CACNA1E: variants seen among roughly 807,000 people sequenced by gnomAD.
The protein encoded by CACNA1E is calcium voltage-gated channel subunit alpha1 E.
CACNA1E carries 40 observed loss-of-function variants against 259.2 expected under a neutral mutation model. The observed-to-expected ratio is 0.15, with a 90% CI of 0.12 to 0.20. The LOEUF is 0.20. Among genes scored for constraint, CACNA1E ranks in the 10% least tolerant of loss-of-function variants. The pLI is 1.00. For synonymous variants in CACNA1E, 1,104 were observed against 1,138.5 expected (o/e 0.97, Z 0.61); for missense variants, 1,874 against 3,040.1 (o/e 0.62, Z 9.02).
At chr1:181,600,882 A>C (rs1653673823) in intron 6 of CACNA1E, among the ~76,000 whole-genome samples, 1 of 152,152 alleles carries the variant, frequency 6.6e-6, no homozygotes, top group South Asian at 2.1e-4. Flanking sequence ...GATGTCCCTT[A>C]GTCTTGAAGA....
intron 35 of CACNA1E, among the ~76,000 whole-genome samples, chr1:181,769,525 C>G (rs1659314245): frequency 6.6e-6 from 1 of 151,770 alleles, no homozygotes; most frequent in South Asian, 2.1e-4. Flanking sequence ...GTCCTCTCAC[C>G]TCAGCCCCAC....
chr1:181,330,535 G>C (rs985853580), intron 1 of CACNA1E, among the ~76,000 whole-genome samples: 1 of 152,188 alleles, frequency 6.6e-6, no homozygotes, highest in East Asian at 1.9e-4. Flanking sequence ...CCACAACTCC[G>C]ACCCCAGATT....
chr1:181,433,681 T>C (rs1297559573), intron 2 of CACNA1E, among the ~76,000 whole-genome samples: 2 of 152,212 alleles, frequency 1.3e-5, no homozygotes, highest in Non-Finnish European at 2.9e-5. Context: ...TGTAAATGTG[T>C]TTTAAATTTC....
intron 18 of CACNA1E, 75 bp downstream of exon 18, chr1:181,726,237 G>C (rs1654898887): frequency 8.7e-6 from 9 of 1,028,898 alleles, no homozygotes; most frequent in South Asian, 1.4e-5. Context: ...CAGAACTATT[G>C]GTTATAGGAG....
chr1:181,724,304 T>G (rs1654685617), intron 16 of CACNA1E, among the ~76,000 whole-genome samples, 166 bp from the exon 17 acceptor site: 1 of 152,192 alleles, frequency 6.6e-6, no homozygotes, highest in Non-Finnish European at 1.5e-5. Context: ...TCAACAGAGT[T>G]GTACAACATC....
In CACNA1E at chr1:181,483,780, A is replaced by G. The variant is rs1189578549; in HGVS notation, c.36A>G (p.Pro12=). The G allele has an allele frequency of 3.1e-6, 5 of 1,610,394 alleles. No homozygotes were observed. The Admixed American group carries it at 6.7e-5, about 21-fold the overall frequency. The change falls in exon 1 of 48, where the codon CCA becomes CCG. Residue 12 remains proline, a synonymous_variant. Coordinates refer to ENST00000367573, the MANE Select transcript of CACNA1E (RefSeq NM_001205293.3). ...TCGGGGAGGCGGTGGTCGCCAGGCCAGGGTCCGGCGATGGAGACTCGGACC... is the reference window on the plus strand; with the variant it reads ...TCGGGGAGGCGGTGGTCGCCAGGCCGGGGTCCGGCGATGGAGACTCGGACC... ...ARFGEAVVAR[P]GSGDGDSDQS... is the part of the protein sequence containing the mutation.
intron 7 of CACNA1E, among the ~76,000 whole-genome samples, chr1:181,706,888 A>G (rs1652849337): frequency 1.3e-5 from 2 of 152,244 alleles, no homozygotes; most frequent in African/African-American, 2.4e-5. Context: ...CATGAAAATG[A>G]TTTGTAAATT....
chr1:181,754,895 C>G (rs761957155), intron 27 of CACNA1E, among the ~76,000 whole-genome samples: 6 of 152,170 alleles, frequency 3.9e-5, no homozygotes, highest in Non-Finnish European at 7.3e-5. Context: ...ATATTCCTTC[C>G]AGCTATACAC....
intron 1 of CACNA1E, among the ~76,000 whole-genome samples, chr1:181,400,902 C>T (rs1657052397): frequency 6.6e-6 from 1 of 152,194 alleles, no homozygotes; most frequent in Non-Finnish European, 1.5e-5. Flanking sequence ...TCTTCCCCTG[C>T]TCTCCCACGG....
chr1:181,773,007 T>C (rs1373632990), intron 37 of CACNA1E, among the ~76,000 whole-genome samples: 1 of 152,232 alleles, frequency 6.6e-6, no homozygotes, highest in Non-Finnish European at 1.5e-5. Flanking sequence ...AGTTTAGTGT[T>C]TCTGGTCACT....
intron 1 of CACNA1E, among the ~76,000 whole-genome samples, chr1:181,326,380 C>T (rs181072674): frequency 6.4e-4 from 98 of 152,290 alleles, no homozygotes; most frequent in Middle Eastern, 6.8e-3. Flanking sequence ...GCTCTTAGTG[C>T]TAATTCCTGT....
chr1:181,639,676 T>A (rs961160753), intron 6 of CACNA1E, among the ~76,000 whole-genome samples: 3 of 152,202 alleles, frequency 2.0e-5, no homozygotes, highest in African/African-American at 7.2e-5. Context: ...CTTTCCGATG[T>A]TTCCCAGATT....
At position 181,655,230 on chromosome 1, in the gene CACNA1E, C is replaced by T. The variant is rs574277347; in HGVS notation, c.1055+3789C>T. Among the ~76,000 whole-genome samples, 5 of 152,020 alleles carry T rather than the reference C, an allele frequency of 3.3e-5. No homozygotes were observed. The East Asian group carries it at 7.7e-4, about 24-fold the overall frequency. The stretch of plus-strand genomic sequence containing the variant: ...AGGTAGGTATGGAGGTAAAAGAGAA[C>T]AAATGAGTTTAATTAATAATGAAAT... On this transcript the variant is annotated intron_variant, in intron 7 of 47. Transcript: ENST00000367573.
intron 6 of CACNA1E, among the ~76,000 whole-genome samples, chr1:181,587,968 T>C (rs1413907401): frequency 6.6e-6 from 1 of 152,250 alleles, no homozygotes; most frequent in Non-Finnish European, 1.5e-5. Flanking sequence ...GAGAAACCTG[T>C]CTCACTGCAT....
intron 3 of CACNA1E, among the ~76,000 whole-genome samples, chr1:181,555,524 T>C (rs557186231): frequency 9.2e-5 from 14 of 152,330 alleles, no homozygotes; most frequent in Admixed American, 8.5e-4. Flanking sequence ...TTTCTTCTGA[T>C]GTTACTGTGG....
intron 6 of CACNA1E, among the ~76,000 whole-genome samples, chr1:181,634,778 A>G (rs1422730577): frequency 6.6e-6 from 1 of 152,068 alleles, no homozygotes; most frequent in Non-Finnish European, 1.5e-5. Flanking sequence ...CCAACCTTGA[A>G]TTTTTGTGTG....
chr1:181,546,911 C>T (rs1035627236), intron 3 of CACNA1E, among the ~76,000 whole-genome samples: 4 of 152,170 alleles, frequency 2.6e-5, no homozygotes, highest in African/African-American at 4.8e-5. Flanking sequence ...TTTCTCAAGT[C>T]GTGCCTGTCC....
chr1:181,785,562 C>T (rs185889681), intron 42 of CACNA1E, 144 bp downstream of exon 42: 11 of 859,322 alleles, frequency 1.3e-5, no homozygotes, highest in South Asian at 8.5e-5. Flanking sequence ...TTTCTAGTGA[C>T]GTGGAATTAG....
intron 7 of CACNA1E, among the ~76,000 whole-genome samples, chr1:181,670,808 T>C (rs1308301733): frequency 6.6e-6 from 1 of 152,122 alleles, no homozygotes; most frequent in Non-Finnish European, 1.5e-5. Flanking sequence ...TCCTCCATCC[T>C]CTTGTCCCTG....
Sources: allele counts gnomAD v4.1 joint callset (sites outside exome capture counted in the v4.1 genomes callset), GRCh38; gene constraint gnomAD v4.1.1; transcripts MANE v1.5; gene names NCBI Gene and HGNC (gene_info 2026-07-23, HGNC 2026-07-21).